Variants in GRM7 observed in about 807,000 individuals in gnomAD.
GRM7 encodes metabotropic glutamate receptor 7.
Under a neutral mutation model 84.5 loss-of-function variants are expected in GRM7, and 35 were observed. The observed-to-expected ratio is 0.41, with a 90% CI of 0.32 to 0.55. The LOEUF (loss-of-function observed/expected upper bound fraction) is 0.55. Among genes scored for constraint, GRM7 ranks in the 20% least tolerant of loss-of-function variants. The pLI, the probability that GRM7 is intolerant of heterozygous loss-of-function variation, is 0.19. For missense variants in GRM7, 1,003 were observed against 1,194.6 expected (o/e 0.84, Z 2.36); for synonymous variants, 487 against 455.1 (o/e 1.07, Z -0.89).
At chr3:7,299,765 C>T (rs1699934481) in intron 3 of GRM7, among the ~76,000 whole-genome samples, 1 of 152,056 alleles carries the variant, frequency 6.6e-6, no homozygotes, top group Admixed American at 6.6e-5. Flanking sequence ...AATAGCCAGG[C>T]AGAATTTTAT....
In GRM7 at chr3:7,082,745, G is replaced by A. The variant is rs111304756; in HGVS notation, c.520-63707G>A. ...GGAAGTCAAAATTCAACATGAACAGGAGTTTGGAAGAAATTGATTCCAACC... is the reference window on the plus strand; with the variant it reads ...GGAAGTCAAAATTCAACATGAACAGAAGTTTGGAAGAAATTGATTCCAACC... On this transcript the variant is annotated intron_variant, in intron 1 of 9. Coordinates refer to ENST00000357716, the MANE Select transcript of GRM7 (RefSeq NM_000844.4). Among the ~76,000 whole-genome samples, 684 of 152,182 alleles carry A rather than the reference G, an allele frequency of 4.5e-3. 2 individuals are homozygous for A. Among genetic ancestry groups the A allele is most frequent in the Non-Finnish European group, 5.5e-3 (374 of 68,006 alleles).
intron 1 of GRM7, among the ~76,000 whole-genome samples, chr3:7,118,080 A>T (rs920104298): frequency 3.3e-5 from 5 of 152,076 alleles, no homozygotes; most frequent in Non-Finnish European, 7.4e-5. Flanking sequence ...CCTATGCATA[A>T]TTATTTATAA....
At chr3:6,925,442 G>T (rs556236834) in intron 1 of GRM7, among the ~76,000 whole-genome samples, 2 of 151,768 alleles carry the variant, frequency 1.3e-5, no homozygotes, top group Admixed American at 1.3e-4. Context: ...GGCCAAAATC[G>T]AATCAATCAA....
At chr3:7,628,314 G>C (rs981005619) in intron 8 of GRM7, among the ~76,000 whole-genome samples, 1 of 152,074 alleles carries the variant, frequency 6.6e-6, no homozygotes, top group Non-Finnish European at 1.5e-5. Flanking sequence ...TGTTCTAACA[G>C]CCTTCATTAT....
At chr3:7,060,984 T>C (rs1325353306) in intron 1 of GRM7, among the ~76,000 whole-genome samples, 2 of 151,838 alleles carry the variant, frequency 1.3e-5, no homozygotes, top group African/African-American at 2.4e-5. Context: ...CATAAGCCTT[T>C]TCCCAAGCTA....
At chr3:7,027,648 C>T (rs909624789) in intron 1 of GRM7, among the ~76,000 whole-genome samples, 2 of 152,094 alleles carry the variant, frequency 1.3e-5, no homozygotes. Context: ...GGCAAAAAAC[C>T]TTGTAAGAGG....
At chr3:6,897,541 G>A (rs949084382) in intron 1 of GRM7, among the ~76,000 whole-genome samples, 1 of 152,250 alleles carries the variant, frequency 6.6e-6, no homozygotes, top group Middle Eastern at 3.4e-3. Flanking sequence ...TTTGTGTCTT[G>A]CTTAGCTTAT....
chr3:7,693,286 C>A (rs746186368), intron 9 of GRM7, among the ~76,000 whole-genome samples: 3 of 152,068 alleles, frequency 2.0e-5, no homozygotes, highest in Non-Finnish European at 4.4e-5. Context: ...GAAACATGAG[C>A]AAAGGTAATT....
At chr3:7,361,981 T>C (rs1693684382) in intron 4 of GRM7, among the ~76,000 whole-genome samples, 1 of 152,120 alleles carries the variant, frequency 6.6e-6, no homozygotes, top group Non-Finnish European at 1.5e-5. Context: ...ATAAGAAGGC[T>C]TTGATCCATG....
At chr3:7,602,016 C>G (rs530065841) in intron 8 of GRM7, among the ~76,000 whole-genome samples, 1 of 145,580 alleles carries the variant, frequency 6.9e-6, no homozygotes, top group East Asian at 2.0e-4. Context: ...GTGAAGAAAA[C>G]CAGCAGAGTG....
intron 4 of GRM7, among the ~76,000 whole-genome samples, chr3:7,317,873 T>A (rs928994837): frequency 6.6e-6 from 1 of 151,910 alleles, no homozygotes; most frequent in Non-Finnish European, 1.5e-5. Context: ...AAGTTATGGG[T>A]ACAAAAGTTA....
chr3:7,253,616 TAAAAA>T (rs138776034), intron 2 of GRM7, among the ~76,000 whole-genome samples: 6 of 121,184 alleles, frequency 5.0e-5, no homozygotes, highest in African/African-American at 9.4e-5. Flanking sequence ...AAACTCCATC[TAAAAA>T]AAAAAAAAAA....
chr3:6,895,658 A>G (rs1696152756), intron 1 of GRM7, among the ~76,000 whole-genome samples: 1 of 152,162 alleles, frequency 6.6e-6, no homozygotes, highest in African/African-American at 2.4e-5. Flanking sequence ...CATTTGAGTA[A>G]GTTAATTTTA....
chr3:7,070,614 A>T (rs1697837935), intron 1 of GRM7, among the ~76,000 whole-genome samples: 2 of 152,070 alleles, frequency 1.3e-5, no homozygotes, highest in South Asian at 4.1e-4. Context: ...TAAAGTCACT[A>T]CGGGGATATA....
At chr3:7,642,948 C>T (rs983015437) in intron 8 of GRM7, among the ~76,000 whole-genome samples, 1 of 152,026 alleles carries the variant, frequency 6.6e-6, no homozygotes, top group Non-Finnish European at 1.5e-5. Context: ...TCTGTAAGTG[C>T]CCAAATACTT....
chr3:7,063,639 C>A (rs1559414704), intron 1 of GRM7, among the ~76,000 whole-genome samples: 2 of 151,708 alleles, frequency 1.3e-5, no homozygotes, highest in South Asian at 4.1e-4. Context: ...TTATAATCCT[C>A]ACACCTGAAA....
intron 1 of GRM7, among the ~76,000 whole-genome samples, chr3:6,935,008 C>G (rs1025385987): frequency 1.3e-5 from 2 of 152,176 alleles, no homozygotes; most frequent in Non-Finnish European, 2.9e-5. Context: ...TAAATTTGTT[C>G]CCTTTTGGTT....
intron 1 of GRM7, among the ~76,000 whole-genome samples, chr3:6,977,365 CTG>C (rs145487785): frequency 4.6e-5 from 7 of 150,946 alleles, no homozygotes; most frequent in East Asian, 1.9e-4. Flanking sequence ...GTGTGTTTGT[CTG>C]TGTGTGTGTG....
At chr3:7,196,346 C>T (rs1292334673) in intron 2 of GRM7, among the ~76,000 whole-genome samples, 1 of 152,112 alleles carries the variant, frequency 6.6e-6, no homozygotes, top group Non-Finnish European at 1.5e-5. Context: ...CTCATAAAAA[C>T]ATCTAGAGTA....
Sources: gnomAD v4.1 joint callset for allele counts (sites outside exome capture counted in the v4.1 genomes callset) on GRCh38, gnomAD v4.1.1 for gene constraint, MANE v1.5 for transcripts, NCBI Gene and HGNC (gene_info 2026-07-23, HGNC 2026-07-21) for gene names.